SRGAP2: variants seen among roughly 807,000 people sequenced by gnomAD.
SRGAP2 encodes the protein SLIT-ROBO Rho GTPase-activating protein 2.
A neutral mutation model predicts 57.2 loss-of-function variants in SRGAP2; 15 were observed. That is an observed-to-expected ratio of 0.26 (90% CI 0.18 to 0.40). SRGAP2 has a LOEUF of 0.40. SRGAP2 is among the 10% of genes least tolerant of loss of function. The probability of loss-of-function intolerance (pLI) is 1.00; values close to 1 mark genes in which losing one functional copy is unlikely to be tolerated. For synonymous variants in SRGAP2, 249 were observed against 248.0 expected, an observed-to-expected ratio of 1.00 and a Z score of -0.04; for missense variants, 520 against 669.6, an observed-to-expected ratio of 0.78 and a Z score of 2.47.
rs1178020087 is a variant in SRGAP2, at chr1:206,463,825, A to G, written c.*2405A>G. 1 of 152,642 alleles carries G rather than the reference A, an allele frequency of 6.6e-6. No individual in the cohort carries two copies. Among genetic ancestry groups the G allele is most frequent in the African/African-American group, 2.4e-5 (1 of 41,428 alleles). The allele number at this position is 152,642 out of a possible 1,614,324, so 9.5% of individuals were successfully genotyped here. ...GGCAGAGCTCACTGCAAACAACTGGAATTGAGGTTGCACACTGTGATTTTT... is the reference window on the plus strand; with the variant it reads ...GGCAGAGCTCACTGCAAACAACTGGGATTGAGGTTGCACACTGTGATTTTT... On this transcript the variant is annotated 3_prime_UTR_variant, in exon 23 of 23. Coordinates refer to ENST00000573034, the MANE Select transcript of SRGAP2 (RefSeq NM_015326.5).
intron 14 of SRGAP2, among the ~76,000 whole-genome samples, chr1:206,433,866 CA>C (rs1337821061): frequency 1.3e-5 from 2 of 152,096 alleles, no homozygotes; most frequent in Admixed American, 1.3e-4. Flanking sequence ...TTTTTTATCA[CA>C]CAAATATGGA....
At position 206,461,611 on chromosome 1, in the gene SRGAP2, C is replaced by T; in HGVS notation, c.*191C>T. On this transcript the variant is annotated 3_prime_UTR_variant, in exon 23 of 23. Transcript: ENST00000573034. ...GTATCGCCTCTCCCTTCCCACTGCC[C>T]TCTGCTTCCCCCAGTCGTCGTAATT... The T allele has an allele frequency of 1.7e-6, 1 of 583,742 alleles. No homozygotes were observed. The highest frequency in any genetic ancestry group is 3.0e-6 in the Non-Finnish European group (1 of 328,894). The allele number at this position is 583,742 out of a possible 1,614,324, so 36.2% of individuals were successfully genotyped here.
At chr1:206,326,168 T>C (rs200532268) in intron 3 of SRGAP2, among the ~76,000 whole-genome samples, 2 of 144,230 alleles carry the variant, frequency 1.4e-5, no homozygotes, top group Non-Finnish European at 3.0e-5. Flanking sequence ...ATGTCTCTTA[T>C]GGCCCTTAAG....
intron 5 of SRGAP2, among the ~76,000 whole-genome samples, chr1:206,389,085 T>A (rs1656630065): frequency 6.6e-6 from 1 of 151,516 alleles, no homozygotes; most frequent in South Asian, 2.1e-4. Flanking sequence ...CCATGGACCC[T>A]CTCTAACAGA....
intron 10 of SRGAP2, among the ~76,000 whole-genome samples, chr1:206,410,271 T>G (rs1452647327): frequency 2.0e-5 from 3 of 152,200 alleles, no homozygotes; most frequent in Admixed American, 2.0e-4. Context: ...TTTTTGCCTC[T>G]TATTTGCCCT....
At chr1:206,248,956 A>T (rs1668666666) in intron 2 of SRGAP2, among the ~76,000 whole-genome samples, 1 of 151,756 alleles carries the variant, frequency 6.6e-6, no homozygotes, top group South Asian at 2.1e-4. Context: ...TTACAATGGA[A>T]TTCAGATCAT....
At chr1:206,391,615 G>GCACACACACA (rs201726708) in intron 5 of SRGAP2, among the ~76,000 whole-genome samples, 1 of 115,590 alleles carries the variant, frequency 8.7e-6, no homozygotes, top group Non-Finnish European at 1.7e-5. Flanking sequence ...ACACACACAT[G>GCACACACACA]CACACACACA....
intron 14 of SRGAP2, among the ~76,000 whole-genome samples, chr1:206,436,080 C>T (rs1363341134): frequency 2.1e-5 from 3 of 144,674 alleles, no homozygotes; most frequent in Non-Finnish European, 3.0e-5. Context: ...TACAATATTA[C>T]GAGATTTTGG....
chr1:206,450,805 G>GTATATA (rs1553375604), intron 19 of SRGAP2, among the ~76,000 whole-genome samples: 1 of 152,150 alleles, frequency 6.6e-6, no homozygotes, highest in East Asian at 1.9e-4. Flanking sequence ...ACAAAGTGAA[G>GTATATA]GAAAGTACAT....
chr1:206,433,063 A>G (rs1553368843), intron 14 of SRGAP2, among the ~76,000 whole-genome samples: 4 of 152,222 alleles, frequency 2.6e-5, no homozygotes, highest in East Asian at 1.9e-4. Flanking sequence ...AAGTCAAACT[A>G]TTGCAAGTCA....
chr1:206,257,792 G>T (rs1451823329), intron 2 of SRGAP2, among the ~76,000 whole-genome samples: 2 of 133,690 alleles, frequency 1.5e-5, no homozygotes, highest in African/African-American at 5.5e-5. Context: ...TATTTTTTCA[G>T]ATGGTGATAA....
intron 21 of SRGAP2, among the ~76,000 whole-genome samples, chr1:206,456,619 A>G (rs554321148): frequency 9.2e-5 from 14 of 152,212 alleles, no homozygotes; most frequent in South Asian, 6.2e-4. Flanking sequence ...AGAAGAAGAA[A>G]AAAAAAGAGT....
At chr1:206,293,901 C>T in intron 2 of SRGAP2, among the ~76,000 whole-genome samples, 1 of 132,934 alleles carries the variant, frequency 7.5e-6, no homozygotes, top group South Asian at 2.9e-4. Context: ...TGACATTTCC[C>T]AGAGGAGCTG....
At chr1:206,458,437 C>T (rs1664010889) in intron 21 of SRGAP2, 186 bp from the exon 22 acceptor site, 1 of 714,482 alleles carries the variant, frequency 1.4e-6, no homozygotes, top group Non-Finnish European at 2.6e-6. Flanking sequence ...CTTCACCCAG[C>T]TTGGGGGTGG....
chr1:206,313,790 T>G (rs1194768242), intron 3 of SRGAP2, among the ~76,000 whole-genome samples: 6 of 151,210 alleles, frequency 4.0e-5, no homozygotes, highest in African/African-American at 1.5e-4. Context: ...GGATCTAAAT[T>G]AGGTTGGGAT....
chr1:206,450,522 G>A (rs1663178579), intron 19 of SRGAP2, 57 bp downstream of exon 19: 5 of 763,556 alleles, frequency 6.5e-6, no homozygotes, highest in South Asian at 4.1e-5. Flanking sequence ...AGAAGGAAGT[G>A]ATTATATATC....
chr1:206,334,731 C>T (rs1177325035), intron 3 of SRGAP2, among the ~76,000 whole-genome samples: 3 of 152,102 alleles, frequency 2.0e-5, no homozygotes, highest in African/African-American at 7.3e-5. Context: ...CGTCATTCCA[C>T]TTTGGCACAG....
rs1340973587 is a variant in SRGAP2, at chr1:206,372,891, TCTCTCTC to T, written c.424-11120_424-11114del. On this transcript the variant is annotated intron_variant, in intron 4 of 22. Transcript: ENST00000573034. ...GGCCAGGTAGATTCCTTTCTTTCTT[TCTCTCTC>T]CTTTCTTTCTTTCTTTCTTTCTTTC... Among the ~76,000 whole-genome samples the T allele has an allele frequency of 5.9e-3, 432 of 72,680 alleles. 19 individuals are homozygous for T. Among genetic ancestry groups the T allele is most frequent in the African/African-American group, 0.022 (410 of 18,606 alleles). The allele number at this position is 72,680 out of a possible 152,430, so 47.7% of individuals were successfully genotyped here.
Position 206,458,892 on chromosome 1 carries a change from G to C in SRGAP2, c.2777G>C (p.Gly926Ala). 1 of 780,166 alleles carries C rather than the reference G, an allele frequency of 1.3e-6. No individual in the cohort carries two copies. Among genetic ancestry groups the C allele is most frequent in the Non-Finnish European group, 2.4e-6 (1 of 417,644 alleles). The allele number at this position is 780,166 out of a possible 1,614,324, so 48.3% of individuals were successfully genotyped here. Residue 926 changes from glycine (G) to alanine (A), a missense_variant, in exon 22 of 23, where the codon GGA (glycine) becomes GCA (alanine). Gly to Ala is a moderately conservative substitution (Grantham distance 60, BLOSUM62 0). Transcript: ENST00000573034. ...CAGATCCGGAAGACTGCCACAGCGG[G>C]AAGGTCAAAAAGCTTCAATAACCAT... ...SPQIRKTATA[G>A]RSKSFNNHRP...
Sources: allele counts gnomAD v4.1 joint callset (sites outside exome capture counted in the v4.1 genomes callset), GRCh38; gene constraint gnomAD v4.1.1; transcripts MANE v1.5; gene names NCBI Gene and HGNC (gene_info 2026-07-23, HGNC 2026-07-21).